The following NALF1 variants were observed in gnomAD, a reference collection of about 807,000 sequenced individuals.
NALF1 encodes NALCN channel auxiliary factor 1.
A neutral mutation model predicts 48.4 loss-of-function variants in NALF1; 3 were observed. The observed-to-expected ratio is 0.06, with a 90% CI of 0.03 to 0.16. The LOEUF (loss-of-function observed/expected upper bound fraction) is 0.16. Ranked by LOEUF, NALF1 falls within the 10% of genes least tolerant of loss-of-function variation. The pLI is 1.00. For synonymous variants in NALF1, 262 were observed against 245.7 expected, an observed-to-expected ratio of 1.07 and a Z score of -0.62; for missense variants, 526 against 571.5, an observed-to-expected ratio of 0.92 and a Z score of 0.81.
At position 107,745,935 on chromosome 13, in the gene NALF1, G is replaced by A. The variant is rs562642269; in HGVS notation, c.915+119747C>T. On this transcript the variant is annotated intron_variant, in intron 1 of 2. Transcript: ENST00000375915. ...GACAATATGTCTGGGTTCATCAAGAGCACATTTGACATAAAATTCTGAGAC... is the reference window on the plus strand; with the variant it reads ...GACAATATGTCTGGGTTCATCAAGAACACATTTGACATAAAATTCTGAGAC... Among the ~76,000 whole-genome samples, 3 of 152,260 alleles carry A rather than the reference G, an allele frequency of 2.0e-5. No individual in the cohort carries two copies. The South Asian group carries it at 6.2e-4, about 32-fold the overall frequency.
intron 1 of NALF1, among the ~76,000 whole-genome samples, chr13:107,678,719 T>C (rs564575799): frequency 9.9e-5 from 15 of 152,282 alleles, no homozygotes; most frequent in East Asian, 1.9e-4. Context: ...AGGCAACGTC[T>C]TCACAACGGG....
chr13:107,526,729 G>T (rs553439512), intron 1 of NALF1, among the ~76,000 whole-genome samples: 1 of 152,252 alleles, frequency 6.6e-6, no homozygotes, highest in Non-Finnish European at 1.5e-5. Flanking sequence ...CATGGGTAGA[G>T]ATACAGCTCA....
At chr13:107,679,880 G>A (rs1881233325) in intron 1 of NALF1, among the ~76,000 whole-genome samples, 1 of 152,242 alleles carries the variant, frequency 6.6e-6, no homozygotes, top group South Asian at 2.1e-4. Context: ...GCACCTGGGT[G>A]TATTTGAATC....
At chr13:107,251,287 A>G (rs975813255) in intron 1 of NALF1, among the ~76,000 whole-genome samples, 1 of 152,184 alleles carries the variant, frequency 6.6e-6, no homozygotes, top group Admixed American at 6.5e-5. Flanking sequence ...TATTAGATGG[A>G]GTGAATTCTG....
intron 1 of NALF1, among the ~76,000 whole-genome samples, chr13:107,546,171 T>G (rs12430496): frequency 1.3e-5 from 2 of 151,870 alleles, no homozygotes; most frequent in African/African-American, 2.4e-5. Context: ...CTGGGGCCAG[T>G]GTGCCAACAA....
At chr13:107,667,351 G>C (rs1209073855) in intron 1 of NALF1, among the ~76,000 whole-genome samples, 1 of 152,034 alleles carries the variant, frequency 6.6e-6, no homozygotes, top group Middle Eastern at 3.4e-3. Context: ...TATAAGAGGA[G>C]ATCCTATCAA....
At chr13:107,504,275 A>C (rs1046374060) in intron 1 of NALF1, among the ~76,000 whole-genome samples, 4 of 151,588 alleles carry the variant, frequency 2.6e-5, no homozygotes, top group Non-Finnish European at 5.9e-5. Flanking sequence ...AAAAAAATCA[A>C]ACTCTGTTAC....
intron 1 of NALF1, among the ~76,000 whole-genome samples, chr13:107,623,209 A>C (rs891163069): frequency 3.3e-5 from 5 of 152,192 alleles, no homozygotes; most frequent in Non-Finnish European, 5.9e-5. Flanking sequence ...TCAAGTTCTT[A>C]TTAATATAAT....
chr13:107,611,894 G>C (rs1366756174), intron 1 of NALF1, among the ~76,000 whole-genome samples: 1 of 150,464 alleles, frequency 6.6e-6, no homozygotes, highest in African/African-American at 2.5e-5. Flanking sequence ...CTGCACTCCA[G>C]CCTGGATGAC....
intron 1 of NALF1, among the ~76,000 whole-genome samples, chr13:107,836,167 T>C (rs964836747): frequency 1.3e-5 from 2 of 152,100 alleles, no homozygotes; most frequent in Non-Finnish European, 2.9e-5. Context: ...ATTTTTGTAA[T>C]TTTTGTAGAG....
intron 1 of NALF1, among the ~76,000 whole-genome samples, chr13:107,628,994 C>T (rs954588125): frequency 6.6e-5 from 10 of 152,060 alleles, no homozygotes; most frequent in Non-Finnish European, 1.3e-4. Context: ...GTCTGTTCTC[C>T]AGTACATAAA....
chr13:107,440,989 T>C (rs1008441226), intron 1 of NALF1, among the ~76,000 whole-genome samples: 1 of 152,198 alleles, frequency 6.6e-6, no homozygotes, highest in Non-Finnish European at 1.5e-5. Flanking sequence ...AGGTAGATGC[T>C]ACCTAAAAGA....
chr13:107,450,508 G>C (rs913784145), intron 1 of NALF1, among the ~76,000 whole-genome samples: 1 of 152,152 alleles, frequency 6.6e-6, no homozygotes, highest in Non-Finnish European at 1.5e-5. Flanking sequence ...AGGATGAAGC[G>C]CAGGAATAAG....
chr13:107,351,612 T>C (rs1566492911), intron 1 of NALF1, among the ~76,000 whole-genome samples: 2 of 152,238 alleles, frequency 1.3e-5, no homozygotes, highest in African/African-American at 4.8e-5. Flanking sequence ...AAGCAGCTTA[T>C]GCAAATCTCT....
In NALF1 at chr13:107,799,443, G is replaced by A. The variant is rs547074217; in HGVS notation, c.915+66239C>T. 2.1e-3 allele frequency among the ~76,000 whole-genome samples: 315 copies of A among 152,264 alleles called. 1 individual carries two copies. The highest frequency in any genetic ancestry group is 7.4e-3 in the African/African-American group (308 of 41,554). ...CATGATATACACTCAGTAAACACCA[G>A]TTTTCTTGAATCTTTCTTTTCCTCA... is the stretch of plus-strand genomic sequence containing the variant. On this transcript the variant is annotated intron_variant, in intron 1 of 2. Transcript: ENST00000375915.
chr13:107,709,733 G>A (rs1366246468), intron 1 of NALF1, among the ~76,000 whole-genome samples: 1 of 152,126 alleles, frequency 6.6e-6, no homozygotes, highest in Non-Finnish European at 1.5e-5. Flanking sequence ...TCACCTTTTA[G>A]GAAGCTCAGA....
At chr13:107,232,332 G>T (rs1192704880) in intron 1 of NALF1, among the ~76,000 whole-genome samples, 2 of 152,320 alleles carry the variant, frequency 1.3e-5, no homozygotes, top group Non-Finnish European at 2.9e-5. Flanking sequence ...GTCTGTTCCA[G>T]GATGGAGAGG....
At chr13:107,440,121 A>T (rs1884532197) in intron 1 of NALF1, among the ~76,000 whole-genome samples, 2 of 152,240 alleles carry the variant, frequency 1.3e-5, no homozygotes, top group African/African-American at 2.4e-5. Flanking sequence ...TTCTAGTTCA[A>T]CAACCTTAGG....
At chr13:107,458,783 A>T (rs2139041220) in intron 1 of NALF1, among the ~76,000 whole-genome samples, 1 of 152,220 alleles carries the variant, frequency 6.6e-6, no homozygotes, top group East Asian at 1.9e-4. Flanking sequence ...TTGGCGTATG[A>T]CAAAAGTGGT....
Sources: gnomAD v4.1 joint callset for allele counts (sites outside exome capture counted in the v4.1 genomes callset) on GRCh38, gnomAD v4.1.1 for gene constraint, MANE v1.5 for transcripts, NCBI Gene and HGNC (gene_info 2026-07-23, HGNC 2026-07-21) for gene names.